RASAL1: variants seen among roughly 807,000 people sequenced by gnomAD.
RASAL1 encodes RAS protein activator like 1, also known as rasGAP-activating-like protein 1.
RASAL1 carries 72 observed loss-of-function variants against 96.6 expected under a neutral mutation model. The ratio of observed to expected loss-of-function variants is 0.75; its 90% CI spans 0.62 to 0.91. RASAL1 has a LOEUF of 0.91. Among genes scored for constraint, RASAL1 ranks in the 40% least tolerant of loss-of-function variants. The probability of loss-of-function intolerance (pLI) is 0.00; values close to 1 mark genes in which losing one functional copy is unlikely to be tolerated. For synonymous variants in RASAL1, 405 were observed against 430.4 expected (o/e 0.94, Z 0.73); for missense variants, 1,016 against 1,072.5 (o/e 0.95, Z 0.74).
intron 13 of RASAL1, 58 bp downstream of exon 13, chr12:113,112,028 G>A: frequency 8.2e-7 from 1 of 1,223,480 alleles, no homozygotes; most frequent in Non-Finnish European, 1.0e-6. Flanking sequence ...TGACTCCTCC[G>A]AGTGACCCCG....
At chr12:113,106,067 G>T (rs1218464564) in intron 15 of RASAL1, among the ~76,000 whole-genome samples, 181 bp from the exon 16 acceptor site, 1 of 152,196 alleles carries the variant, frequency 6.6e-6, no homozygotes, top group Non-Finnish European at 1.5e-5. Flanking sequence ...AATCATGGAG[G>T]CTGGGAGGAG....
In RASAL1 at chr12:113,104,301, G is replaced by A. The variant is rs1950569524; in HGVS notation, c.1831-3C>T. ...GACACGGGGATGGAGTGACACATCTGGGGAAGAGGATTGTCGCTGCAGGAT... is the reference window on the plus strand; with the variant it reads ...GACACGGGGATGGAGTGACACATCTAGGGAAGAGGATTGTCGCTGCAGGAT... On this transcript the variant is annotated splice_polypyrimidine_tract_variant and splice_region_variant and intron_variant, in intron 16 of 20. Transcript: ENST00000548055. 1 of 1,559,462 alleles carries A rather than the reference G, an allele frequency of 6.4e-7. No homozygotes were observed. Among genetic ancestry groups the A allele is most frequent in the Non-Finnish European group, 8.7e-7 (1 of 1,150,964 alleles).
intron 5 of RASAL1, 21 bp from the exon 6 acceptor site, chr12:113,119,464 G>A: frequency 6.3e-7 from 1 of 1,590,678 alleles, no homozygotes; most frequent in Non-Finnish European, 8.6e-7. Context: ...ATGGGGAAAG[G>A]AGTGAGGAAA....
chr12:113,106,407 A>C (rs1012646798), intron 15 of RASAL1, among the ~76,000 whole-genome samples: 11 of 152,210 alleles, frequency 7.2e-5, no homozygotes, highest in African/African-American at 2.4e-4. Context: ...GTTTCACTCC[A>C]AGTCAAAGCT....
intron 5 of RASAL1, 152 bp downstream of exon 5, chr12:113,121,357 G>A (rs1951286437): frequency 7.8e-7 from 1 of 1,289,356 alleles, no homozygotes; most frequent in Non-Finnish European, 1.1e-6. Context: ...AACCCAGTGA[G>A]CTTGGACTGT....
At chr12:113,121,712 T>C in intron 4 of RASAL1, 74 bp from the exon 5 acceptor site, 2 of 1,521,762 alleles carry the variant, frequency 1.3e-6, no homozygotes, top group Non-Finnish European at 1.8e-6. Context: ...AAAAATTCAA[T>C]TAACATTATT....
rs1951622146 is a variant in RASAL1 at position 113,129,511 on chromosome 12, C to T, written c.123-1333G>A. Among the ~76,000 whole-genome samples the T allele has an allele frequency of 6.6e-6, 1 of 152,090 alleles. No individual in the cohort carries two copies. The highest frequency in any genetic ancestry group is 6.5e-5 in the Admixed American group (1 of 15,276). The stretch of plus-strand genomic sequence containing the variant: ...CAGGAAGGATGGGGACCAAGATAAG[C>T]CCAGAAACAGGTGCACACACACAGC... On this transcript the variant is annotated intron_variant, in intron 2 of 20. Coordinates refer to ENST00000548055, the MANE Select transcript of RASAL1 (RefSeq NM_001301202.2). This position sits in a 1 kb window ranked among gnomAD's most constrained non-coding sequence, Gnocchi z 5.0.
Position 113,105,979 on chromosome 12 carries a change from A to G in RASAL1, c.1658-93T>C. On this transcript the variant is annotated intron_variant, in intron 15 of 20. Transcript: ENST00000548055. Reference sequence around the variant, plus strand: ...GCATGCCCAGGGAGGACCTCAGTGGACGGGCATGGTTCTCTGCTCCCCTAG... The same window carrying G: ...GCATGCCCAGGGAGGACCTCAGTGGGCGGGCATGGTTCTCTGCTCCCCTAG... 2.2e-6 allele frequency: 3 copies of G among 1,344,472 alleles called. No homozygotes were observed. The East Asian group carries it at 7.0e-5, about 31-fold the overall frequency. 83.3% of individuals were successfully genotyped at this position (1,344,472 alleles called of 1,614,324 possible). A position where few individuals can be genotyped will look rare whatever the true frequency, so the allele number is the denominator to read the frequency against.
At chr12:113,102,744 C>T (rs979951728) in intron 18 of RASAL1, among the ~76,000 whole-genome samples, 1 of 152,090 alleles carries the variant, frequency 6.6e-6, no homozygotes, top group Non-Finnish European at 1.5e-5. Flanking sequence ...AAACCCACTA[C>T]TTCCGTTGAA....
intron 7 of RASAL1, among the ~76,000 whole-genome samples, chr12:113,118,108 C>T (rs1474324273): frequency 6.6e-6 from 1 of 152,130 alleles, no homozygotes; most frequent in Non-Finnish European, 1.5e-5. Flanking sequence ...CCTGTAACCC[C>T]AGCTACTTGG....
chr12:113,123,006 CT>C (rs1252512659), intron 4 of RASAL1, among the ~76,000 whole-genome samples: 1 of 152,144 alleles, frequency 6.6e-6, no homozygotes, highest in Non-Finnish European at 1.5e-5. Context: ...CTAAATCTCC[CT>C]TTAACTATGA....
chr12:113,128,245 GACACACACAC>G (rs4007310), intron 2 of RASAL1, 67 bp from the exon 3 acceptor site: 1,162 of 566,110 alleles, frequency 2.1e-3, no homozygotes, highest in Admixed American at 2.5e-3. Flanking sequence ...TGGAGACCCA[GACACACACAC>G]ACACACACAC....
In RASAL1 at chr12:113,135,526, G is replaced by A. The variant is rs1389672398; in HGVS notation, c.-64C>T. On this transcript the variant is annotated 5_prime_UTR_variant, in exon 1 of 21. In the 5' UTR this introduces an upstream ATG that the reference lacks. Coordinates refer to ENST00000548055, the MANE Select transcript of RASAL1 (RefSeq NM_001301202.2). The surrounding 1 kb of genome is among the most constrained non-coding windows in gnomAD (Gnocchi z 5.7). ...AGGTTCCGAGGCTGGACCAGGGGACGTCTACATGTCACCTGCTTCAAGCCT... is the reference window on the plus strand; with the variant it reads ...AGGTTCCGAGGCTGGACCAGGGGACATCTACATGTCACCTGCTTCAAGCCT... 5.8e-6 allele frequency: 8 copies of A among 1,371,894 alleles called. No homozygotes were observed. The highest frequency in any genetic ancestry group is 2.0e-5 in the Admixed American group (1 of 50,562). 85.0% of individuals were successfully genotyped at this position (1,371,894 alleles called of 1,614,324 possible).
intron 18 of RASAL1, chr12:113,103,624 TG>T: frequency 3.0e-6 from 1 of 330,494 alleles, no homozygotes; most frequent in Non-Finnish European, 5.5e-6. Context: ...AAAAAATTAT[TG>T]GGTTATGCAC....
intron 4 of RASAL1, among the ~76,000 whole-genome samples, chr12:113,124,973 A>G (rs1054241736): frequency 6.6e-6 from 1 of 152,170 alleles, no homozygotes; most frequent in African/African-American, 2.4e-5. Context: ...TGTTTAATGC[A>G]ATAAATGGCC....
chr12:113,102,066 A>G (rs1286493385), intron 18 of RASAL1, 57 bp from the exon 19 acceptor site: 1 of 1,577,454 alleles, frequency 6.3e-7, no homozygotes, highest in Non-Finnish European at 8.6e-7. Flanking sequence ...AGAAGCCTCC[A>G]CAGCCAGGCA....
At chr12:113,123,579 G>A (rs1055913309) in intron 4 of RASAL1, among the ~76,000 whole-genome samples, 1 of 152,050 alleles carries the variant, frequency 6.6e-6, no homozygotes, top group African/African-American at 2.4e-5. Context: ...TTAGGTTTTA[G>A]CTAATGGTTT....
rs139219731 is a variant in RASAL1 at position 113,124,745 on chromosome 12, C to T, written c.298+3067G>A. ...GAGAAGTAAAGCGCTTAGCACCATG[C>T]CTGGCATATAGTAGGCCCTCATGAA... On this transcript the variant is annotated intron_variant, in intron 4 of 20. Coordinates refer to ENST00000548055, the MANE Select transcript of RASAL1 (RefSeq NM_001301202.2). Among the ~76,000 whole-genome samples the T allele has an allele frequency of 3.2e-3, 492 of 152,296 alleles. 2 individuals are homozygous for T. Among genetic ancestry groups the T allele is most frequent in the African/African-American group, 0.011 (461 of 41,564 alleles).
At chr12:113,105,094 G>A (rs374701758) in intron 16 of RASAL1, among the ~76,000 whole-genome samples, 5 of 152,176 alleles carry the variant, frequency 3.3e-5, no homozygotes, top group South Asian at 2.1e-4. Context: ...AACAGGAAGC[G>A]TGGGCTCCCT....
Sources: gnomAD v4.1 joint callset for allele counts (sites outside exome capture counted in the v4.1 genomes callset) on GRCh38, gnomAD v4.1.1 for gene constraint, Gnocchi (gnomAD v3.1) non-coding constraint, MANE v1.5 for transcripts, NCBI Gene and HGNC (gene_info 2026-07-23, HGNC 2026-07-21) for gene names.